The following TSHR variants were observed in gnomAD, a reference collection of about 807,000 sequenced individuals.
TSHR encodes the protein thyroid stimulating hormone receptor, also known as thyrotropin receptor.
Under a neutral mutation model 64.1 loss-of-function variants are expected in TSHR, and 51 were observed. The observed-to-expected ratio is 0.80, with a 90% CI of 0.64 to 1.01. TSHR has a LOEUF of 1.01. Among genes scored for constraint, TSHR ranks in the 50% least tolerant of loss-of-function variants. TSHR has a pLI of 0.00. For missense variants in TSHR, 877 were observed against 942.8 expected (o/e 0.93, Z 0.91); for synonymous variants, 361 against 361.9 (o/e 1.00, Z 0.03).
intron 3 of TSHR, among the ~76,000 whole-genome samples, chr14:81,071,330 A>G (rs1017817821): frequency 2.0e-5 from 3 of 152,346 alleles, no homozygotes; most frequent in Non-Finnish European, 2.9e-5. Context: ...TCTTTATTAT[A>G]TAAGTTACAA....
intron 1 of TSHR, among the ~76,000 whole-genome samples, chr14:81,007,478 A>G (rs981109109): frequency 6.6e-6 from 1 of 152,108 alleles, no homozygotes; most frequent in Non-Finnish European, 1.5e-5. Context: ...TTTCTCATTA[A>G]TAGACTGGGG....
intron 8 of TSHR, among the ~76,000 whole-genome samples, chr14:81,113,459 A>G (rs530655185): frequency 2.0e-5 from 3 of 152,170 alleles, no homozygotes; most frequent in Non-Finnish European, 4.4e-5. Flanking sequence ...CTAGAGATAT[A>G]TTTGAGACTC....
intron 1 of TSHR, chr14:81,032,672 C>A (rs956615685): frequency 2.3e-6 from 1 of 426,860 alleles, no homozygotes; most frequent in African/African-American, 2.1e-5. Context: ...AAGGCATAAT[C>A]TCTCCTGTTG....
intron 1 of TSHR, among the ~76,000 whole-genome samples, chr14:80,987,677 T>TG: frequency 6.6e-6 from 1 of 152,192 alleles, no homozygotes; most frequent in East Asian, 1.9e-4. Flanking sequence ...CTAACCTTGT[T>TG]GCTTGATGTT....
chr14:81,112,398 G>C (rs780346344), intron 8 of TSHR, among the ~76,000 whole-genome samples: 2 of 151,888 alleles, frequency 1.3e-5, no homozygotes, highest in African/African-American at 2.4e-5. Flanking sequence ...CCTCAAAATG[G>C]GGTTCCATCC....
chr14:81,037,288 A>G (rs1019802303), intron 1 of TSHR, among the ~76,000 whole-genome samples: 19 of 151,680 alleles, frequency 1.3e-4, no homozygotes, highest in Non-Finnish European at 2.9e-5. Flanking sequence ...GCCCCATGGT[A>G]ACCACAAAGA....
chr14:81,092,632 C>G (rs767470807), intron 6 of TSHR, 24 bp downstream of exon 6: 50 of 1,603,822 alleles, frequency 3.1e-5, no homozygotes, highest in Non-Finnish European at 3.9e-5. Context: ...GTTCTACTCC[C>G]TCCATCAACT....
chr14:81,030,568 A>G (rs1307551703), intron 1 of TSHR, among the ~76,000 whole-genome samples: 5 of 152,178 alleles, frequency 3.3e-5, no homozygotes, highest in African/African-American at 4.8e-5. Flanking sequence ...AGGGAAATAA[A>G]TGCTAATTAA....
chr14:81,081,200 C>T (rs1887878263), intron 3 of TSHR, among the ~76,000 whole-genome samples: 1 of 152,070 alleles, frequency 6.6e-6, no homozygotes, highest in African/African-American at 2.4e-5. Context: ...AAGAGAAAAT[C>T]TGTTGCTATA....
intron 1 of TSHR, among the ~76,000 whole-genome samples, chr14:81,058,129 C>T (rs1885959662): frequency 6.6e-6 from 1 of 152,180 alleles, no homozygotes; most frequent in Non-Finnish European, 1.5e-5. Flanking sequence ...TTTCTCTCCC[C>T]CATTGCTACT....
In TSHR at chr14:80,983,086, T is replaced by C; in HGVS notation, c.170+27236T>C. The C allele has an allele frequency of 6.3e-6, 4 of 633,604 alleles. No individual in the cohort carries two copies. In the South Asian group the frequency reaches 9.3e-5, roughly 15 times the overall value. 39.2% of individuals were successfully genotyped at this position (633,604 alleles called of 1,614,324 possible). ...GTTTATTAATGAAATGGTATAATGATGCTTATTGAAAGCTTGCTCAGTTTT... is the reference window on the plus strand; with the variant it reads ...GTTTATTAATGAAATGGTATAATGACGCTTATTGAAAGCTTGCTCAGTTTT... On this transcript the variant is annotated intron_variant, in intron 1 of 9. Coordinates refer to ENST00000298171, the MANE Select transcript of TSHR (RefSeq NM_000369.5).
intron 1 of TSHR, chr14:80,958,312 A>G (rs1379293251): frequency 6.6e-6 from 1 of 152,178 alleles, no homozygotes; most frequent in Admixed American, 6.5e-5. Flanking sequence ...AAAATGAAGT[A>G]ATTTGCTCAA....
At chr14:81,117,472 G>C (rs1890572666) in intron 8 of TSHR, among the ~76,000 whole-genome samples, 1 of 123,746 alleles carries the variant, frequency 8.1e-6, no homozygotes, top group African/African-American at 3.6e-5. Flanking sequence ...ACTCTCCCAA[G>C]ACTAAACCAG....
chr14:81,055,133 A>G (rs2139875961), intron 1 of TSHR, among the ~76,000 whole-genome samples: 1 of 152,212 alleles, frequency 6.6e-6, no homozygotes, highest in South Asian at 2.1e-4. Flanking sequence ...TCCAGCTGTG[A>G]CTAAAAGGGG....
chr14:81,114,507 C>T (rs945873379), intron 8 of TSHR, among the ~76,000 whole-genome samples: 60 of 152,220 alleles, frequency 3.9e-4, no homozygotes, highest in African/African-American at 1.3e-3. Context: ...GATTATATCC[C>T]GCACCTGGCT....
Position 81,143,380 on chromosome 14 carries a change from C to A in TSHR, c.1322C>A (p.Thr441Asn). ...GNVFVLLILL[T>N]SHYKLNVPRF... is the part of the protein sequence containing the mutation. ...GTCTTTGTCCTGCTTATTCTCCTCA[C>A]CAGCCACTACAAACTGAACGTCCCC... Residue 441 changes from threonine to asparagine, a missense_variant, in exon 10 of 10, where the codon ACC becomes AAC. Coordinates refer to ENST00000298171, the MANE Select transcript of TSHR (RefSeq NM_000369.5). 2 of 1,614,212 alleles carry A rather than the reference C, an allele frequency of 1.2e-6. No individual in the cohort carries two copies. The highest frequency in any genetic ancestry group is 1.7e-6 in the Non-Finnish European group (2 of 1,180,040).
At chr14:80,991,804 A>C (rs1242915598) in intron 1 of TSHR, 1 of 381,330 alleles carries the variant, frequency 2.6e-6, no homozygotes, top group East Asian at 3.7e-5. Context: ...AAATGAATTC[A>C]CACCGACAAG....
chr14:80,997,839 C>T (rs1889104474), intron 1 of TSHR, among the ~76,000 whole-genome samples: 1 of 152,186 alleles, frequency 6.6e-6, no homozygotes, highest in Admixed American at 6.5e-5. Flanking sequence ...CTTCCCAATC[C>T]CCAGGTAGCT....
intron 3 of TSHR, among the ~76,000 whole-genome samples, chr14:81,070,992 T>C (rs1887027577): frequency 6.6e-6 from 1 of 152,132 alleles, no homozygotes; most frequent in African/African-American, 2.4e-5. Context: ...TAAATATAAA[T>C]GAACCTTGAC....
Sources: gnomAD v4.1 joint callset for allele counts (sites outside exome capture counted in the v4.1 genomes callset) on GRCh38, gnomAD v4.1.1 for gene constraint, MANE v1.5 for transcripts, NCBI Gene and HGNC (gene_info 2026-07-23, HGNC 2026-07-21) for gene names.